ARMC7: variants seen among roughly 807,000 people sequenced by gnomAD.
The protein encoded by ARMC7 is armadillo repeat containing 7, also known as armadillo repeat-containing protein 7.
In ARMC7, 9 loss-of-function variants were observed where a neutral mutation model predicts 14.8. That is an observed-to-expected ratio of 0.61 (90% CI 0.37 to 1.06). The LOEUF (loss-of-function observed/expected upper bound fraction) is 1.06. ARMC7 is among the 50% of genes least tolerant of loss of function. The pLI is 0.01. For synonymous variants in ARMC7, 125 were observed against 123.4 expected, an observed-to-expected ratio of 1.01 and a Z score of -0.09; for missense variants, 262 against 267.1, an observed-to-expected ratio of 0.98 and a Z score of 0.13.
At chr17:75,120,756 G>A (rs1241015663) in intron 2 of ARMC7, among the ~76,000 whole-genome samples, 1 of 146,382 alleles carries the variant, frequency 6.8e-6, no homozygotes, top group East Asian at 2.0e-4. Flanking sequence ...GGAGATTGCA[G>A]TGAGCTGAGA....
intron 2 of ARMC7, among the ~76,000 whole-genome samples, chr17:75,113,236 C>G (rs1408547259): frequency 2.7e-5 from 4 of 150,502 alleles, no homozygotes. Flanking sequence ...GTTGGCCAGG[C>G]TGGTCTCAAA....
chr17:75,113,016 T>C (rs1026765054), intron 2 of ARMC7, among the ~76,000 whole-genome samples: 2 of 151,500 alleles, frequency 1.3e-5, no homozygotes, highest in Non-Finnish European at 2.9e-5. Context: ...TTTTTTATTT[T>C]ATTTTATTTT....
At position 75,128,953 on chromosome 17, in the gene ARMC7, G is replaced by T; in HGVS notation, c.512G>T (p.Arg171Leu). 6.2e-7 allele frequency: 1 copy of T among 1,604,930 alleles called. No individual in the cohort carries two copies. The highest frequency in any genetic ancestry group is 2.2e-5 in the East Asian group (1 of 44,842). Residue 171 changes from arginine (R) to leucine (L), a missense_variant, in exon 3 of 3, where the codon CGC becomes CTC. Physicochemically the swap from Arg to Leu is moderately radical, Grantham distance 102. Transcript: ENST00000245543. ...TTCCTGGAGGACTTCTGCTCCCCCC[G>T]CCAGGTGGCCGAGGCCCGCAGCCGG... ...QIFLEDFCSP[R>L]QVAEARSRQA...
In ARMC7 at chr17:75,128,861, C is replaced by T. The variant is rs774711121; in HGVS notation, c.420C>T (p.Pro140=). ...TTCTCCCAGAGCTGACCGCCACGCC[C>T]GTGGTGCAGTGCATGCTTCGCTTCT... ...RSFLPELTAT[P]VVQCMLRFSL... Residue 140 remains proline (P), a synonymous_variant, in exon 3 of 3, where the codon CCC becomes CCT. Transcript: ENST00000245543. 2.9e-5 allele frequency: 46 copies of T among 1,612,584 alleles called. No individual in the cohort carries two copies. The highest frequency in any genetic ancestry group is 3.5e-5 in the Non-Finnish European group (41 of 1,179,976).
Position 75,128,994 on chromosome 17 carries a change from C to T in ARMC7, c.553C>T (p.Leu185=). 1 of 1,600,686 alleles carries T rather than the reference C, an allele frequency of 6.2e-7. No individual in the cohort carries two copies. The highest frequency in any genetic ancestry group is 2.2e-5 in the East Asian group (1 of 44,872). The part of the protein sequence containing the change: ...EARSRQAHSA[L]GIPLPRSVAP... The stretch of plus-strand genomic sequence containing the variant: ...CCGCAGCCGGCAGGCGCACTCTGCC[C>T]TGGGTATCCCACTGCCGAGGAGCGT... Residue 185 remains leucine, a synonymous_variant, in exon 3 of 3, where the codon CTG becomes TTG. Transcript: ENST00000245543.
At chr17:75,121,231 A>G (rs2074011277) in intron 2 of ARMC7, among the ~76,000 whole-genome samples, 1 of 152,190 alleles carries the variant, frequency 6.6e-6, no homozygotes, top group Non-Finnish European at 1.5e-5. Context: ...AAGCTTTATG[A>G]ATGAAGCTGT....
chr17:75,122,860 C>T (rs1036584751), intron 2 of ARMC7, among the ~76,000 whole-genome samples: 5 of 149,278 alleles, frequency 3.3e-5, no homozygotes, highest in Admixed American at 6.7e-5. Flanking sequence ...AGGAAAGAAG[C>T]AAAGCCTGGT....
intron 2 of ARMC7, chr17:75,114,812 C>A: frequency 2.5e-6 from 1 of 398,350 alleles, no homozygotes. Flanking sequence ...TTTCAACATG[C>A]AAATGAAATT....
At chr17:75,125,135 A>C (rs2074042198) in intron 2 of ARMC7, among the ~76,000 whole-genome samples, 2 of 152,152 alleles carry the variant, frequency 1.3e-5, no homozygotes, top group Admixed American at 1.3e-4. Flanking sequence ...CCTCCCTCAG[A>C]TGTGTCCTGC....
At chr17:75,119,927 T>C (rs906938587) in intron 2 of ARMC7, among the ~76,000 whole-genome samples, 1 of 150,702 alleles carries the variant, frequency 6.6e-6, no homozygotes, top group Non-Finnish European at 1.5e-5. Context: ...GTTTTTGAGA[T>C]GGAGTCTCGC....
chr17:75,129,172 G>T lies in ARMC7; in HGVS notation c.*134G>T, dbSNP rs927533166. 7.0e-6 allele frequency: 9 copies of T among 1,288,872 alleles called. No homozygotes were observed. The highest frequency in any genetic ancestry group is 2.5e-5 in the East Asian group (1 of 40,386). The allele number at this position is 1,288,872 out of a possible 1,614,324, so 79.8% of individuals were successfully genotyped here. A position where few individuals can be genotyped will look rare whatever the true frequency, so the allele number is the denominator to read the frequency against. On this transcript the variant is annotated 3_prime_UTR_variant, in exon 3 of 3. Coordinates refer to ENST00000245543, the MANE Select transcript of ARMC7 (RefSeq NM_024585.4). Reference sequence around the variant, plus strand: ...TCTGAAAGGCGGGTTCTTTCAGCAGGACAGGCATTTACACTGATGAAACGC... The same window carrying T: ...TCTGAAAGGCGGGTTCTTTCAGCAGTACAGGCATTTACACTGATGAAACGC...
chr17:75,113,418 G>C (rs925474467), intron 2 of ARMC7, among the ~76,000 whole-genome samples: 12 of 150,048 alleles, frequency 8.0e-5, no homozygotes, highest in Non-Finnish European at 1.6e-4. Context: ...GCAGTGGCGC[G>C]ATCTCGGCTC....
At chr17:75,120,006 G>A (rs189242823) in intron 2 of ARMC7, among the ~76,000 whole-genome samples, 43 of 152,214 alleles carry the variant, frequency 2.8e-4, no homozygotes, top group African/African-American at 9.1e-4. Context: ...CCAAGTTCAA[G>A]CCATTCTCCT....
At position 75,110,345 on chromosome 17, in the gene ARMC7, G is replaced by T. The variant is rs1258618213; in HGVS notation, c.57G>T (p.Ala19=). Reference sequence around the variant, plus strand: ...TCGGGCGGCTGGGATACCTGCAGGCGCTGGTCACGGAATTCCAGGAGACCC... The same window carrying T: ...TCGGGCGGCTGGGATACCTGCAGGCTCTGGTCACGGAATTCCAGGAGACCC... ...PHVGRLGYLQ[A]LVTEFQETQS... is the part of the protein sequence containing the mutation. Residue 19 remains alanine (A), a synonymous_variant, in exon 1 of 3, where the codon GCG becomes GCT. Coordinates refer to ENST00000245543, the MANE Select transcript of ARMC7 (RefSeq NM_024585.4). The T allele has an allele frequency of 6.2e-7, 1 of 1,614,032 alleles. No homozygotes were observed. Among genetic ancestry groups the T allele is most frequent in the Admixed American group, 1.7e-5 (1 of 60,014 alleles).
At chr17:75,126,398 C>G (rs561936677) in intron 2 of ARMC7, among the ~76,000 whole-genome samples, 1 of 152,136 alleles carries the variant, frequency 6.6e-6, no homozygotes, top group East Asian at 1.9e-4. Flanking sequence ...TCACTGTTGC[C>G]TTTTCTGTTT....
intron 2 of ARMC7, chr17:75,114,737 C>T (rs1404229216): frequency 2.5e-6 from 1 of 398,456 alleles, no homozygotes; most frequent in Admixed American, 4.4e-5. Flanking sequence ...AGCAAGACCC[C>T]CCCGCCCCAA....
chr17:75,123,205 ATTT>A (rs555791092), intron 2 of ARMC7, among the ~76,000 whole-genome samples: 9 of 125,524 alleles, frequency 7.2e-5, no homozygotes, highest in Non-Finnish European at 1.0e-4. Context: ...GGCCCAGCTA[ATTT>A]TTTTTTTTTT....
chr17:75,127,102 G>T (rs1046597890), intron 2 of ARMC7, among the ~76,000 whole-genome samples: 1 of 150,990 alleles, frequency 6.6e-6, no homozygotes, highest in African/African-American at 2.4e-5. Flanking sequence ...ATGCACAGTG[G>T]TGCATGCCTG....
chr17:75,110,424 C>T (rs1325852936), intron 1 of ARMC7, 39 bp from the exon 2 acceptor site: 4 of 1,614,142 alleles, frequency 2.5e-6, no homozygotes, highest in Middle Eastern at 1.6e-4. Flanking sequence ...GCTGTGACCG[C>T]CGCCCGGACC....
Sources: gnomAD v4.1 joint callset for allele counts (sites outside exome capture counted in the v4.1 genomes callset) on GRCh38, gnomAD v4.1.1 for gene constraint, MANE v1.5 for transcripts, NCBI Gene and HGNC (gene_info 2026-07-23, HGNC 2026-07-21) for gene names.